The following GLIS3 variants were observed in gnomAD, a reference collection of about 807,000 sequenced individuals.
The protein encoded by GLIS3 is zinc finger protein GLIS3.
In GLIS3, 53 loss-of-function variants were observed where a neutral mutation model predicts 78.6. The ratio of observed to expected loss-of-function variants is 0.67; its 90% CI spans 0.54 to 0.85. The LOEUF is 0.85. Among genes scored for constraint, GLIS3 ranks in the 40% least tolerant of loss-of-function variants. GLIS3 has a pLI of 0.00. For synonymous variants in GLIS3, 684 were observed against 509.9 expected (o/e 1.34, Z -4.60); for missense variants, 1,703 against 1,231.1 (o/e 1.38, Z -5.74).
the GLIS3 span, among the ~76,000 whole-genome samples, chr9:4,452,562 A>C: frequency 6.6e-6 from 1 of 152,230 alleles, no homozygotes; most frequent in Non-Finnish European, 1.5e-5. Flanking sequence ...GTTACCTTCC[A>C]TTCACAATTG....
chr9:4,257,541 TTTGCTTGACAAA>T lies in GLIS3; in HGVS notation c.388+28485_388+28496del, dbSNP rs200134521. 9.9e-3 allele frequency among the ~76,000 whole-genome samples: 1,481 copies of T among 150,106 alleles called. 22 individuals carry two copies. Among genetic ancestry groups the T allele is most frequent in the African/African-American group, 0.035 (1,419 of 40,952 alleles). Reference sequence around the variant, plus strand: ...CTATATAAGATGATAGACATGTTAATTTGCTTGACAAATTAACATGTATATGTTGTTGTTGTT... The same window carrying T: ...CTATATAAGATGATAGACATGTTAATTTAACATGTATATGTTGTTGTTGTT... On this transcript the variant is annotated intron_variant, in intron 2 of 10. Coordinates refer to ENST00000381971, the MANE Select transcript of GLIS3 (RefSeq NM_001042413.2).
the GLIS3 span, among the ~76,000 whole-genome samples, chr9:4,368,430 C>T: frequency 7.9e-5 from 12 of 151,994 alleles, no homozygotes; most frequent in African/African-American, 9.7e-5. Context: ...CTGCAAGCTC[C>T]GCTTCCCGGG....
At chr9:4,353,202 AG>A (rs1250450786), upstream of GLIS3, among the ~76,000 whole-genome samples, 2 of 152,162 alleles carry the variant, frequency 1.3e-5, no homozygotes, top group African/African-American at 2.4e-5. Flanking sequence ...CTAAAACTTG[AG>A]GCAAAAGTAA....
Position 4,118,198 on chromosome 9 carries a change from A to T in GLIS3, c.1280T>A (p.Leu427Gln), listed in dbSNP as rs1263156337. The change falls in exon 4 of 11, where the codon CTG becomes CAG. Residue 427 changes from leucine to glutamine, a missense_variant. Physicochemically the swap from Leu to Gln is moderately radical, Grantham distance 113 (BLOSUM62 -2). Transcript: ENST00000381971. The surrounding 1 kb of genome is among the most constrained non-coding windows in gnomAD (Gnocchi z 4.7). The stretch of plus-strand genomic sequence containing the variant: ...CTCCTCCAGGCGTTCGGTCTTGAAC[A>T]GGCCGGCCGACTGGCTGTCGGGGCC... ...LPGPDSQSAG[L>Q]FKTERLEEFP... 6.3e-7 allele frequency: 1 copy of T among 1,585,054 alleles called. No homozygotes were observed. Among genetic ancestry groups the T allele is most frequent in the East Asian group, 2.3e-5 (1 of 44,234 alleles).
chr9:4,319,054 C>T (rs1300619080), intron 2 of GLIS3, among the ~76,000 whole-genome samples: 2 of 151,972 alleles, frequency 1.3e-5, no homozygotes, highest in African/African-American at 4.8e-5. Flanking sequence ...CTGTACTCTT[C>T]AAAAATGTCA....
intron 1 of GLIS3, among the ~76,000 whole-genome samples, chr9:4,298,076 A>G (rs1472599440): frequency 6.6e-6 from 1 of 152,022 alleles, no homozygotes; most frequent in Non-Finnish European, 1.5e-5. Context: ...AGCGCAACAA[A>G]ACAAACTAGT....
At chr9:3,982,781 C>T (rs1388415218) in intron 4 of GLIS3, among the ~76,000 whole-genome samples, 1 of 152,164 alleles carries the variant, frequency 6.6e-6, no homozygotes, top group Non-Finnish European at 1.5e-5. Context: ...AGTTGGCTTG[C>T]ATCTCAACTT....
intron 2 of GLIS3, among the ~76,000 whole-genome samples, chr9:4,263,415 G>C (rs1177928019): frequency 6.6e-6 from 1 of 152,058 alleles, no homozygotes; most frequent in African/African-American, 2.4e-5. Flanking sequence ...AGAGAAAGAA[G>C]ATGCCAGGTG....
chr9:3,991,248 A>G (rs147796895), intron 4 of GLIS3, among the ~76,000 whole-genome samples: 1 of 152,304 alleles, frequency 6.6e-6, no homozygotes, highest in Non-Finnish European at 1.5e-5. Flanking sequence ...ACAAATGGGT[A>G]CAATAGTAGC....
At chr9:3,942,425 C>T (rs1158754304) in intron 4 of GLIS3, among the ~76,000 whole-genome samples, 2 of 152,076 alleles carry the variant, frequency 1.3e-5, no homozygotes, top group East Asian at 1.9e-4. Context: ...AAGGCATGGG[C>T]GGGAGGATCA....
chr9:3,842,020 GC>G (rs1818749038), intron 9 of GLIS3, among the ~76,000 whole-genome samples: 1 of 152,178 alleles, frequency 6.6e-6, no homozygotes, highest in African/African-American at 2.4e-5. Flanking sequence ...AATTTTAAAT[GC>G]CCTTGTCTTT....
At chr9:3,885,676 GC>G (rs1822028880) in intron 7 of GLIS3, among the ~76,000 whole-genome samples, 1 of 152,156 alleles carries the variant, frequency 6.6e-6, no homozygotes, top group Non-Finnish European at 1.5e-5. Context: ...AGAATGAGAA[GC>G]CCCATGTGAA....
Position 4,345,214 on chromosome 9 carries a change from C to G in GLIS3, n.264+1867G>C, listed in dbSNP as rs950638032. ...TTACCTCTGTGACCTCGTTTCCTAC[C>G]TTTGCCCTTCCTTCATTCTGCTCTT... On this transcript the variant is annotated intron_variant and non_coding_transcript_variant, in intron 2 of 4. Coordinates refer to the GLIS3 transcript ENST00000471664. Among the ~76,000 whole-genome samples the G allele has an allele frequency of 1.8e-4, 27 of 152,290 alleles. No individual in the cohort carries two copies. In the East Asian group the frequency reaches 2.5e-3, roughly 14 times the overall value.
chr9:4,380,730 T>C, the GLIS3 span, among the ~76,000 whole-genome samples: 2 of 152,218 alleles, frequency 1.3e-5, no homozygotes. Context: ...GAACATATTG[T>C]TAAAATTTTT....
chr9:4,163,268 A>T (rs4741898), intron 2 of GLIS3, among the ~76,000 whole-genome samples: 1 of 151,214 alleles, frequency 6.6e-6, no homozygotes, highest in Admixed American at 6.6e-5. Flanking sequence ...ACACACACAC[A>T]CGCGCACGCG....
chr9:4,263,243 G>A (rs955133381), intron 2 of GLIS3, among the ~76,000 whole-genome samples: 3 of 152,102 alleles, frequency 2.0e-5, no homozygotes, highest in African/African-American at 7.2e-5. Context: ...GCAGACTCTG[G>A]GACAGAGAGG....
At chr9:3,978,879 T>A (rs185255829) in intron 4 of GLIS3, among the ~76,000 whole-genome samples, 24 of 152,238 alleles carry the variant, frequency 1.6e-4, no homozygotes, top group East Asian at 9.6e-4. Context: ...AAATATTTTT[T>A]AAAAATACAA....
At chr9:4,058,960 C>A (rs1377735028) in intron 4 of GLIS3, among the ~76,000 whole-genome samples, 2 of 151,022 alleles carry the variant, frequency 1.3e-5, no homozygotes, top group African/African-American at 4.9e-5. Flanking sequence ...CCAGCGTGGG[C>A]CACAGAGCAA....
the GLIS3 span, among the ~76,000 whole-genome samples, chr9:4,488,428 A>T: frequency 2.0e-5 from 3 of 152,116 alleles, no homozygotes; most frequent in African/African-American, 7.2e-5. Flanking sequence ...GCAGTTCCAT[A>T]ATATATTTAC....
Sources: gnomAD v4.1 joint callset for allele counts (sites outside exome capture counted in the v4.1 genomes callset) on GRCh38, gnomAD v4.1.1 for gene constraint, Gnocchi (gnomAD v3.1) non-coding constraint, MANE v1.5 for transcripts, NCBI Gene and HGNC (gene_info 2026-07-23, HGNC 2026-07-21) for gene names.